The following STAC variants were observed in gnomAD, a reference collection of about 807,000 sequenced individuals.
STAC encodes the protein SH3 and cysteine rich domain.
A neutral mutation model predicts 48.8 loss-of-function variants in STAC; 43 were observed. The ratio of observed to expected loss-of-function variants is 0.88; its 90% CI spans 0.69 to 1.14. STAC has a LOEUF of 1.14. STAC is among the 50% of genes most tolerant of loss of function. The pLI is 0.00. For synonymous variants in STAC, 193 were observed against 179.5 expected (o/e 1.07, Z -0.60); for missense variants, 497 against 504.0 (o/e 0.99, Z 0.13).
At chr3:36,540,843 A>G (rs1699307506) in intron 10 of STAC, among the ~76,000 whole-genome samples, 1 of 152,238 alleles carries the variant, frequency 6.6e-6, no homozygotes, top group Non-Finnish European at 1.5e-5. Flanking sequence ...AAACTGTGAT[A>G]TAATAAATGG....
intron 7 of STAC, 27 bp downstream of exon 7, chr3:36,504,484 G>C: frequency 6.2e-7 from 1 of 1,610,740 alleles, no homozygotes; most frequent in Non-Finnish European, 8.5e-7. Context: ...CAGAAGACAA[G>C]TCAGACAGGA....
rs369983995 is a variant in STAC at position 36,486,435 on chromosome 3, C to T, written c.687+186C>T. Among the ~76,000 whole-genome samples, 5 of 152,278 alleles carry T rather than the reference C, an allele frequency of 3.3e-5. No individual in the cohort carries two copies. In the South Asian group the frequency reaches 1.0e-3, roughly 32 times the overall value. Reference sequence around the variant, plus strand: ...AAGGATTAACTTCCTGTTGTCAACACCAAGGGATTATTTTACTTTCCTGTC... The same window carrying T: ...AAGGATTAACTTCCTGTTGTCAACATCAAGGGATTATTTTACTTTCCTGTC... On this transcript the variant is annotated intron_variant, in intron 5 of 10. Coordinates refer to ENST00000273183, the MANE Select transcript of STAC (RefSeq NM_003149.3).
intron 5 of STAC, among the ~76,000 whole-genome samples, chr3:36,490,928 G>A (rs1458634850): frequency 6.6e-6 from 1 of 152,212 alleles, no homozygotes; most frequent in Admixed American, 6.5e-5. Context: ...TACTGGCACT[G>A]GTTCCACCAG....
intron 10 of STAC, among the ~76,000 whole-genome samples, chr3:36,544,380 G>A (rs553655989): frequency 7.6e-4 from 115 of 152,182 alleles, no homozygotes; most frequent in African/African-American, 2.5e-3. Flanking sequence ...ACATTGGCCC[G>A]GCTGGTCATG....
intron 2 of STAC, among the ~76,000 whole-genome samples, chr3:36,472,742 G>A (rs1697375597): frequency 6.6e-6 from 1 of 152,130 alleles, no homozygotes; most frequent in Non-Finnish European, 1.5e-5. Context: ...CTCCACCTGA[G>A]ACCACCTCAG....
chr3:36,381,524 T>A (rs2125607867), intron 1 of STAC, among the ~76,000 whole-genome samples: 1 of 152,112 alleles, frequency 6.6e-6, no homozygotes, highest in Non-Finnish European at 1.5e-5. Context: ...TAAGATGGAG[T>A]TTGTAGTTAT....
intron 1 of STAC, among the ~76,000 whole-genome samples, chr3:36,401,145 T>C (rs978981031): frequency 2.0e-5 from 3 of 152,214 alleles, no homozygotes; most frequent in African/African-American, 7.2e-5. Flanking sequence ...TATGTTTACA[T>C]TTTGGAGTCA....
intron 7 of STAC, among the ~76,000 whole-genome samples, chr3:36,504,901 A>G (rs1698364844): frequency 6.6e-6 from 1 of 151,964 alleles, no homozygotes; most frequent in Non-Finnish European, 1.5e-5. Flanking sequence ...TATAGCATGT[A>G]TTTATATTAG....
chr3:36,438,802 T>C (rs560185735), intron 1 of STAC, among the ~76,000 whole-genome samples: 1 of 152,220 alleles, frequency 6.6e-6, no homozygotes, highest in East Asian at 1.9e-4. Flanking sequence ...GTAAAGCACA[T>C]GAGCACAGGA....
intron 2 of STAC, among the ~76,000 whole-genome samples, chr3:36,463,228 T>G (rs1321714552): frequency 6.6e-6 from 1 of 152,196 alleles, no homozygotes; most frequent in East Asian, 1.9e-4. Context: ...ATTCTCTCAA[T>G]GATTTGATAA....
intron 6 of STAC, among the ~76,000 whole-genome samples, chr3:36,497,828 A>G (rs1436857254): frequency 6.6e-6 from 1 of 152,226 alleles, no homozygotes; most frequent in Non-Finnish European, 1.5e-5. Flanking sequence ...GCCTGAATTC[A>G]TACTACCTGT....
intron 1 of STAC, 137 bp downstream of exon 1, chr3:36,380,891 C>A (rs532638745): frequency 3.1e-6 from 2 of 653,580 alleles, no homozygotes; most frequent in African/African-American, 1.9e-5. Flanking sequence ...AGGACTTGAA[C>A]GTCCGGTAGG....
Position 36,534,224 on chromosome 3 carries a change from T to C in STAC, c.1110+5239T>C, listed in dbSNP as rs568423006. 9.8e-5 allele frequency among the ~76,000 whole-genome samples: 15 copies of C among 152,300 alleles called. No individual in the cohort carries two copies. In the South Asian group the frequency reaches 1.0e-3, roughly 11 times the overall value. On this transcript the variant is annotated intron_variant, in intron 10 of 10. Transcript: ENST00000273183. ...CTGAATGTCAACCTTCTCATCAGCATAGTAGCATCTCTCTCTTGAACTTGA... is the reference window on the plus strand; with the variant it reads ...CTGAATGTCAACCTTCTCATCAGCACAGTAGCATCTCTCTCTTGAACTTGA...
At chr3:36,533,609 A>G (rs1699126391) in intron 10 of STAC, among the ~76,000 whole-genome samples, 2 of 150,682 alleles carry the variant, frequency 1.3e-5, no homozygotes, top group African/African-American at 2.4e-5. Context: ...AAGTTGATCA[A>G]TTTCTACAAG....
chr3:36,489,263 G>A (rs1274613031), intron 5 of STAC, among the ~76,000 whole-genome samples: 1 of 152,142 alleles, frequency 6.6e-6, no homozygotes, highest in East Asian at 1.9e-4. Flanking sequence ...AGAGTGCCTG[G>A]CACATAGTGA....
intron 6 of STAC, among the ~76,000 whole-genome samples, chr3:36,494,171 A>AG (rs1243803801): frequency 6.6e-6 from 1 of 150,720 alleles, no homozygotes; most frequent in African/African-American, 2.4e-5. Flanking sequence ...AAAAAAAAAA[A>AG]AAAGAAAGAG....
intron 1 of STAC, among the ~76,000 whole-genome samples, chr3:36,404,761 T>C (rs1253199703): frequency 6.7e-6 from 1 of 148,198 alleles, no homozygotes; most frequent in Non-Finnish European, 1.5e-5. Flanking sequence ...AAATAGATGA[T>C]AGATGTTTTT....
chr3:36,511,013 T>C (rs1365336007), intron 8 of STAC, among the ~76,000 whole-genome samples: 2 of 151,434 alleles, frequency 1.3e-5, no homozygotes, highest in East Asian at 3.9e-4. Context: ...GATAGAAAAA[T>C]CAAACTAAAA....
rs930464851 is a variant in STAC at position 36,443,725 on chromosome 3, G to A, written c.388+85G>A. ...GTGTGCCACGGGTCCAGGTACCTACGGACAGATGCTAGGCCTCAGAGATTT... is the reference window on the plus strand; with the variant it reads ...GTGTGCCACGGGTCCAGGTACCTACAGACAGATGCTAGGCCTCAGAGATTT... On this transcript the variant is annotated intron_variant, in intron 2 of 10. Transcript: ENST00000273183. The surrounding 1 kb of genome is among the most constrained non-coding windows in gnomAD (Gnocchi z 4.2). 1.1e-4 allele frequency: 160 copies of A among 1,516,762 alleles called. No homozygotes were observed. In the African/African-American group the frequency reaches 1.6e-3, roughly 15 times the overall value. The allele number at this position is 1,516,762 out of a possible 1,614,324, so 94.0% of individuals were successfully genotyped here. A position where few individuals can be genotyped will look rare whatever the true frequency, so the allele number is the denominator to read the frequency against.
Sources: gnomAD v4.1 joint callset for allele counts (sites outside exome capture counted in the v4.1 genomes callset) on GRCh38, gnomAD v4.1.1 for gene constraint, Gnocchi (gnomAD v3.1) non-coding constraint, MANE v1.5 for transcripts, NCBI Gene and HGNC (gene_info 2026-07-23, HGNC 2026-07-21) for gene names.